Variants in CHD5 observed in about 807,000 individuals in gnomAD.
The protein encoded by CHD5 is ATP-dependent chromatin remodeler CHD5.
In CHD5, 69 loss-of-function variants were observed where a neutral mutation model predicts 230.3. The observed-to-expected ratio is 0.30, with a 90% CI of 0.25 to 0.37. The LOEUF (loss-of-function observed/expected upper bound fraction) is 0.37, where lower values mean the gene tolerates loss of function less well. Among genes scored for constraint, CHD5 ranks in the 10% least tolerant of loss-of-function variants. The probability of loss-of-function intolerance (pLI) is 1.00; values close to 1 mark genes in which losing one functional copy is unlikely to be tolerated. For synonymous variants in CHD5, 1,064 were observed against 1,065.9 expected (o/e 1.00, Z 0.03); for missense variants, 1,827 against 2,622.8 (o/e 0.70, Z 6.63).
In CHD5 at chr1:6,106,783, T is replaced by C; in HGVS notation, c.5579-4A>G. 3.3e-6 allele frequency: 5 copies of C among 1,536,362 alleles called. No individual in the cohort carries two copies. Among genetic ancestry groups the C allele is most frequent in the Non-Finnish European group, 4.4e-6 (5 of 1,138,896 alleles). Reference sequence around the variant, plus strand: ...AGCTCCTCCAGCTGGTTCAGGACTGTGGTGGGAGGCGGAGGGATGGTAGGA... The same window carrying C: ...AGCTCCTCCAGCTGGTTCAGGACTGCGGTGGGAGGCGGAGGGATGGTAGGA... On this transcript the variant is annotated splice_polypyrimidine_tract_variant and splice_region_variant and intron_variant, in intron 38 of 41. Transcript: ENST00000262450.
At chr1:6,169,337 G>A (rs956555984) in intron 1 of CHD5, among the ~76,000 whole-genome samples, 4 of 152,234 alleles carry the variant, frequency 2.6e-5, no homozygotes, top group African/African-American at 9.6e-5. Context: ...CCCAGCACAC[G>A]TGGGTGTTCA....
intron 15 of CHD5, among the ~76,000 whole-genome samples, chr1:6,140,601 C>T (rs939438866): frequency 6.6e-6 from 1 of 152,142 alleles, no homozygotes; most frequent in African/African-American, 2.4e-5. Flanking sequence ...CCAGTGAGGC[C>T]ACGTGACTTG....
At position 6,125,466 on chromosome 1, in the gene CHD5, A is replaced by G. The variant is rs1429349811; in HGVS notation, c.4260+58T>C. 3 of 1,507,368 alleles carry G rather than the reference A, an allele frequency of 2.0e-6. No individual in the cohort carries two copies. Among genetic ancestry groups the G allele is most frequent in the African/African-American group, 2.8e-5 (2 of 72,098 alleles). 93.4% of individuals were successfully genotyped at this position (1,507,368 alleles called of 1,614,324 possible). A position where few individuals can be genotyped will look rare whatever the true frequency, so the allele number is the denominator to read the frequency against. On this transcript the variant is annotated intron_variant, in intron 28 of 41. Coordinates refer to ENST00000262450, the MANE Select transcript of CHD5 (RefSeq NM_015557.3). This position sits in a 1 kb window ranked among gnomAD's most constrained non-coding sequence, Gnocchi z 6.7. ...GGGCAGTCCCCCAGCCCTCCTCCATACCCCAGGGGCAGCAGGAAGCAGGGG... is the reference window on the plus strand; with the variant it reads ...GGGCAGTCCCCCAGCCCTCCTCCATGCCCCAGGGGCAGCAGGAAGCAGGGG...
intron 33 of CHD5, among the ~76,000 whole-genome samples, chr1:6,120,641 A>C (rs2100839055): frequency 6.6e-6 from 1 of 152,320 alleles, no homozygotes; most frequent in African/African-American, 2.4e-5. Context: ...GTCTCTATTA[A>C]AAATACAAAA....
chr1:6,149,526 G>A (rs1666967233), intron 7 of CHD5, 114 bp from the exon 8 acceptor site: 3 of 1,045,492 alleles, frequency 2.9e-6, no homozygotes, highest in Admixed American at 5.6e-5. Flanking sequence ...GAGGGTGGAT[G>A]GAAAGGTGGG....
chr1:6,175,225 C>T (rs1386297621), intron 1 of CHD5, among the ~76,000 whole-genome samples: 6 of 109,076 alleles, frequency 5.5e-5, no homozygotes, highest in South Asian at 3.3e-4. Flanking sequence ...TGGTTGGATG[C>T]GTGGTTGGAT....
chr1:6,124,339 C>A lies in CHD5; in HGVS notation c.4539+178G>T, dbSNP rs369441562. Among the ~76,000 whole-genome samples, 35 of 151,564 alleles carry A rather than the reference C, an allele frequency of 2.3e-4. 2 individuals are homozygous for A. In the South Asian group the frequency reaches 7.3e-3, roughly 32 times the overall value. The stretch of plus-strand genomic sequence containing the variant: ...ATGTAACCCACCATCCTGGCCTCCA[C>A]CCCACAGGCCCCTCACCCAGAAAGG... On this transcript the variant is annotated intron_variant, in intron 30 of 41. Coordinates refer to ENST00000262450, the MANE Select transcript of CHD5 (RefSeq NM_015557.3).
At chr1:6,115,814 C>T (rs1245895799) in intron 33 of CHD5, among the ~76,000 whole-genome samples, 1 of 152,316 alleles carries the variant, frequency 6.6e-6, no homozygotes, top group Admixed American at 6.5e-5. Flanking sequence ...CCACGCCAGG[C>T]ATCAGACCCA....
intron 17 of CHD5, among the ~76,000 whole-genome samples, chr1:6,135,781 C>T (rs965901724): frequency 2.6e-5 from 4 of 152,070 alleles, no homozygotes; most frequent in Non-Finnish European, 5.9e-5. Flanking sequence ...GAGGCCGAGA[C>T]GGGCAGATCA....
intron 15 of CHD5, among the ~76,000 whole-genome samples, chr1:6,140,631 T>C (rs569211204): frequency 3.9e-5 from 6 of 152,288 alleles, no homozygotes; most frequent in African/African-American, 1.4e-4. Flanking sequence ...ACACAGCTGG[T>C]GCACTGCATT....
chr1:6,105,398 T>G lies in CHD5; in HGVS notation c.*76A>C. On this transcript the variant is annotated 3_prime_UTR_variant, in exon 42 of 42. Coordinates refer to ENST00000262450, the MANE Select transcript of CHD5 (RefSeq NM_015557.3). This position sits in a 1 kb window ranked among gnomAD's most constrained non-coding sequence, Gnocchi z 4.8. ...AAGGTGGCAGCTTTTCTCTCCCATGTGGGTCGGGCAGGTGGCCCGGCAGGC... is the reference window on the plus strand; with the variant it reads ...AAGGTGGCAGCTTTTCTCTCCCATGGGGGTCGGGCAGGTGGCCCGGCAGGC... 2 of 470,718 alleles carry G rather than the reference T, an allele frequency of 4.2e-6. No individual in the cohort carries two copies. The highest frequency in any genetic ancestry group is 3.1e-5 in the South Asian group (2 of 64,548). The allele number at this position is 470,718 out of a possible 1,614,324, so 29.2% of individuals were successfully genotyped here. A position where few individuals can be genotyped will look rare whatever the true frequency, so the allele number is the denominator to read the frequency against.
At chr1:6,165,857 A>C (rs963187681) in intron 2 of CHD5, among the ~76,000 whole-genome samples, 2 of 151,496 alleles carry the variant, frequency 1.3e-5, no homozygotes, top group Non-Finnish European at 2.9e-5. Flanking sequence ...TCCTATCTCC[A>C]CTTCCCCATC....
intron 5 of CHD5, among the ~76,000 whole-genome samples, chr1:6,153,607 T>A (rs930137435): frequency 6.6e-6 from 1 of 152,162 alleles, no homozygotes; most frequent in Non-Finnish European, 1.5e-5. Context: ...GGTGGGCAGA[T>A]CACCTGAGGT....
chr1:6,148,555 C>G (rs1353919898), intron 9 of CHD5, among the ~76,000 whole-genome samples: 1 of 152,222 alleles, frequency 6.6e-6, no homozygotes, highest in African/African-American at 2.4e-5. Flanking sequence ...GGAGCCCTTG[C>G]AGAGCACGTG....
chr1:6,179,823 G>A (rs1667485941), intron 1 of CHD5, 122 bp downstream of exon 1: 6 of 286,060 alleles, frequency 2.1e-5, no homozygotes, highest in Non-Finnish European at 3.1e-5. Flanking sequence ...CGCAACCCGG[G>A]TGCCCCTCCT....
chr1:6,130,378 G>C lies in CHD5; in HGVS notation c.3263-50C>G, dbSNP rs371394758. 11 of 1,585,010 alleles carry C rather than the reference G, an allele frequency of 6.9e-6. No homozygotes were observed. Among genetic ancestry groups the C allele is most frequent in the Non-Finnish European group, 9.5e-6 (11 of 1,160,538 alleles). ...GGAGTGTTTGGGGGGGTACACCTTG[G>C]GTGGGCAGAAAGGATGGGGGAGAGA... On this transcript the variant is annotated intron_variant, in intron 21 of 41. Transcript: ENST00000262450. This position sits in a 1 kb window ranked among gnomAD's most constrained non-coding sequence, Gnocchi z 4.9.
intron 1 of CHD5, among the ~76,000 whole-genome samples, chr1:6,175,194 G>T (rs1393908031): frequency 6.6e-6 from 1 of 150,476 alleles, no homozygotes; most frequent in East Asian, 2.0e-4. Flanking sequence ...ATGAGTGGTG[G>T]ATGAATGGAT....
chr1:6,168,130 G>C lies in CHD5; in HGVS notation c.207+20C>G. The C allele has an allele frequency of 2.5e-6, 4 of 1,587,928 alleles. No homozygotes were observed. The highest frequency in any genetic ancestry group is 3.4e-6 in the Non-Finnish European group (4 of 1,161,008). On this transcript the variant is annotated intron_variant, in intron 2 of 41. Coordinates refer to ENST00000262450, the MANE Select transcript of CHD5 (RefSeq NM_015557.3). ...AACCCCACCCGCCCCAAGCTCGCCG[G>C]CGCAGGTGCTGCCCCTCACCTCTTT...
chr1:6,108,988 T>C (rs1666242394), intron 38 of CHD5, among the ~76,000 whole-genome samples: 3 of 151,858 alleles, frequency 2.0e-5, no homozygotes, highest in Admixed American at 2.0e-4. Context: ...CAAGGGTGTA[T>C]GACTGCACTT....
Sources: gnomAD v4.1 joint callset for allele counts (sites outside exome capture counted in the v4.1 genomes callset) on GRCh38, gnomAD v4.1.1 for gene constraint, Gnocchi (gnomAD v3.1) non-coding constraint, MANE v1.5 for transcripts, NCBI Gene and HGNC (gene_info 2026-07-23, HGNC 2026-07-21) for gene names.